ARB2A: variants seen among roughly 807,000 people sequenced by gnomAD.
ARB2A encodes the protein ARB2 cotranscriptional regulator A.
chr5:93,995,329 A>G, the ARB2A span, among the ~76,000 whole-genome samples: 1 of 152,132 alleles, frequency 6.6e-6, no homozygotes, highest in Non-Finnish European at 1.5e-5. Flanking sequence ...GTTCTTGCAT[A>G]TTTTTCATCA....
the ARB2A span, chr5:93,784,433 T>G: frequency 6.2e-7 from 1 of 1,613,564 alleles, no homozygotes; most frequent in East Asian, 2.2e-5. Flanking sequence ...TGCCACACAT[T>G]GTGAACAGAG....
the ARB2A span, among the ~76,000 whole-genome samples, chr5:93,903,124 G>C: frequency 6.6e-6 from 1 of 152,052 alleles, no homozygotes; most frequent in Non-Finnish European, 1.5e-5. Context: ...TTTTGACATA[G>C]AGAGGTGTTC....
chr5:93,857,876 G>A, the ARB2A span, among the ~76,000 whole-genome samples: 10 of 152,010 alleles, frequency 6.6e-5, 1 homozygote, highest in Admixed American at 2.0e-4. Context: ...TGTCTTCTGC[G>A]TCGCTCATGC....
At chr5:93,642,369 G>A in the ARB2A span, among the ~76,000 whole-genome samples, 3 of 150,530 alleles carry the variant, frequency 2.0e-5, no homozygotes, top group Non-Finnish European at 4.4e-5. Context: ...CACCATACCT[G>A]GCTAATTTTT....
chr5:93,988,766 C>T, the ARB2A span, among the ~76,000 whole-genome samples: 1 of 152,078 alleles, frequency 6.6e-6, no homozygotes, highest in Non-Finnish European at 1.5e-5. Flanking sequence ...CCTTTAATAA[C>T]TCTCCATTCA....
the ARB2A span, among the ~76,000 whole-genome samples, chr5:93,929,519 T>C: frequency 6.6e-6 from 1 of 152,160 alleles, no homozygotes; most frequent in Non-Finnish European, 1.5e-5. Context: ...AGTATAATTA[T>C]TGGCTTATTC....
the ARB2A span, chr5:93,735,190 A>G: frequency 6.6e-6 from 1 of 152,240 alleles, no homozygotes; most frequent in African/African-American, 2.4e-5. Flanking sequence ...TCTTCTGATT[A>G]AAGTTTCTAC....
At chr5:93,748,070 A>G in the ARB2A span, among the ~76,000 whole-genome samples, 1 of 152,174 alleles carries the variant, frequency 6.6e-6, no homozygotes, top group Non-Finnish European at 1.5e-5. Context: ...ATTTTCTGTA[A>G]TAATTTAAAT....
the ARB2A span, among the ~76,000 whole-genome samples, chr5:93,688,618 G>A: frequency 6.6e-6 from 1 of 151,512 alleles, no homozygotes; most frequent in African/African-American, 2.4e-5. Context: ...TCTCTCTCCC[G>A]AGCCTCAGCC....
At chr5:93,843,767 C>A in the ARB2A span, among the ~76,000 whole-genome samples, 1 of 152,000 alleles carries the variant, frequency 6.6e-6, no homozygotes, top group South Asian at 2.1e-4. Context: ...TTAAAGAAAT[C>A]TCCCAGAAGA....
the ARB2A span, among the ~76,000 whole-genome samples, chr5:93,903,709 C>CTGTGTG: frequency 6.8e-3 from 987 of 144,434 alleles, 8 homozygotes; most frequent in African/African-American, 0.015. Flanking sequence ...TTCTATATAT[C>CTGTGTG]TGTGTGTGTG....
At chr5:93,653,937 T>C in the ARB2A span, among the ~76,000 whole-genome samples, 1 of 152,216 alleles carries the variant, frequency 6.6e-6, no homozygotes, top group Non-Finnish European at 1.5e-5. Flanking sequence ...GGTGAGTATG[T>C]TGAGTCACTT....
the ARB2A span, among the ~76,000 whole-genome samples, chr5:93,697,061 C>CAAAA: frequency 5.1e-5 from 4 of 78,260 alleles, no homozygotes; most frequent in Admixed American, 1.5e-4. Flanking sequence ...GACTCCATCT[C>CAAAA]AAAAAAAAAA....
chr5:93,762,224 A>C, the ARB2A span, among the ~76,000 whole-genome samples: 1 of 152,230 alleles, frequency 6.6e-6, no homozygotes, highest in African/African-American at 2.4e-5. Context: ...GAGTTGAGAG[A>C]AGAAGGCTTC....
At chr5:93,960,302 A>G in the ARB2A span, among the ~76,000 whole-genome samples, 2 of 152,130 alleles carry the variant, frequency 1.3e-5, no homozygotes, top group African/African-American at 4.8e-5. Context: ...AGAAGAAATA[A>G]CACCTTTTCA....
the ARB2A span, among the ~76,000 whole-genome samples, chr5:93,721,236 G>A: frequency 1.3e-5 from 2 of 152,106 alleles, no homozygotes; most frequent in African/African-American, 4.8e-5. Flanking sequence ...GAAGCGGCTG[G>A]TTACAGTAAT....
chr5:93,838,980 T>C, the ARB2A span, among the ~76,000 whole-genome samples: 362 of 152,318 alleles, frequency 2.4e-3, 3 homozygotes, highest in African/African-American at 8.3e-3. Context: ...TCATGTCATC[T>C]GCACACAGGG....
the ARB2A span, among the ~76,000 whole-genome samples, chr5:94,066,817 G>A: frequency 0.091 from 13,867 of 152,052 alleles, 794 homozygotes; most frequent in Middle Eastern, 0.16. Flanking sequence ...AGGAGGGAAC[G>A]GAACTCTCCT....
At chr5:93,669,780 G>A in the ARB2A span, among the ~76,000 whole-genome samples, 1 of 152,114 alleles carries the variant, frequency 6.6e-6, no homozygotes, top group Non-Finnish European at 1.5e-5. Flanking sequence ...ACACACTGTT[G>A]TTAGACCCTT....
Sources: allele counts gnomAD v4.1 joint callset (sites outside exome capture counted in the v4.1 genomes callset), GRCh38; gene constraint gnomAD v4.1.1; transcripts MANE v1.5; gene names NCBI Gene and HGNC (gene_info 2026-07-23, HGNC 2026-07-21).